The following KCNC4 variants were observed in gnomAD, a reference collection of about 807,000 sequenced individuals.
KCNC4 encodes voltage-gated potassium channel KCNC4.
Under a neutral mutation model 42.8 loss-of-function variants are expected in KCNC4, and 23 were observed. The observed-to-expected ratio is 0.54, with a 90% CI of 0.39 to 0.76. The LOEUF is 0.76. KCNC4 is among the 30% of genes least tolerant of loss of function. KCNC4 has a pLI of 0.00. For missense variants in KCNC4, 751 were observed against 898.2 expected, an observed-to-expected ratio of 0.84 and a Z score of 2.10; for synonymous variants, 422 against 393.5, an observed-to-expected ratio of 1.07 and a Z score of -0.86.
chr1:110,258,353 T>A (rs1245370044), intron 1 of KCNC4, among the ~76,000 whole-genome samples: 2 of 152,178 alleles, frequency 1.3e-5, no homozygotes, highest in Non-Finnish European at 2.9e-5. Context: ...TTCTCCTGCC[T>A]CCGCCTCCTG....
intron 1 of KCNC4, among the ~76,000 whole-genome samples, chr1:110,256,227 A>G (rs935691703): frequency 5.9e-5 from 9 of 152,218 alleles, no homozygotes; most frequent in Non-Finnish European, 8.8e-5. Context: ...ATGTTAGACA[A>G]GCGAGATGAA....
At chr1:110,232,589 C>T in intron 3 of KCNC4, 1 of 1,436,582 alleles carries the variant, frequency 7.0e-7, no homozygotes, top group Non-Finnish European at 9.1e-7. Flanking sequence ...CTAGTGGTTA[C>T]CTGAACAGGT....
In KCNC4 at chr1:110,229,320, G is replaced by A. The variant is rs141313956; in HGVS notation, c.1819+3142G>A. ...ATGTTTTCTATCCCTGGCTTGGGGC[G>A]CAGGTAGGGGTCCCTAGCGTTGTAG... On this transcript the variant is annotated intron_variant, in intron 3 of 3. Coordinates refer to ENST00000438661, the MANE Select transcript of KCNC4 (RefSeq NM_001039574.3). Among the ~76,000 whole-genome samples, 667 of 152,286 alleles carry A rather than the reference G, an allele frequency of 4.4e-3. 2 individuals carry two copies. Among genetic ancestry groups the A allele is most frequent in the Non-Finnish European group, 5.5e-3 (374 of 68,004 alleles).
rs778349949 is a variant in KCNC4 at position 110,223,533 on chromosome 1, C to T, written c.1248C>T (p.Asp416=). The change falls in exon 2 of 4, where the codon GAC becomes GAT. Residue 416 remains aspartate (D), a synonymous_variant. Coordinates refer to ENST00000438661, the MANE Select transcript of KCNC4 (RefSeq NM_001039574.3). The surrounding 1 kb of genome is among the most constrained non-coding windows in gnomAD (Gnocchi z 7.5). ...GGCCCTCCGACCCTCGGGGTAATGA[C>T]CACACCGACTTCAAGAACATCCCCA... ...GARPSDPRGN[D]HTDFKNIPIG... is the part of the protein sequence containing the mutation. The T allele has an allele frequency of 6.2e-7, 1 of 1,613,936 alleles. No individual in the cohort carries two copies. Among genetic ancestry groups the T allele is most frequent in the African/African-American group, 1.3e-5 (1 of 75,050 alleles).
exon 4 of KCNC4, chr1:110,245,359 T>A (rs1659123116): frequency 6.6e-6 from 1 of 152,216 alleles, no homozygotes; most frequent in Non-Finnish European, 1.5e-5. Flanking sequence ...CCTAGGTCCA[T>A]TCCTCAAGTT....
chr1:110,234,234 C>T (rs1658847024), downstream of KCNC4: 2 of 152,358 alleles, frequency 1.3e-5, no homozygotes, highest in East Asian at 3.9e-4. Flanking sequence ...TGCCCAAAGC[C>T]ACACAAAGAG....
At chr1:110,253,999 C>T (rs1032719753), downstream of KCNC4, among the ~76,000 whole-genome samples, 3 of 151,918 alleles carry the variant, frequency 2.0e-5, no homozygotes, top group South Asian at 4.2e-4. Context: ...CTCCAGGTAC[C>T]CTCAGGATCC....
intron 1 of KCNC4, among the ~76,000 whole-genome samples, chr1:110,273,184 C>T (rs544814442): frequency 6.6e-6 from 1 of 152,290 alleles, no homozygotes; most frequent in East Asian, 1.9e-4. Context: ...CTTTCATTGA[C>T]CTGGTGTGGT....
exon 4 of KCNC4, chr1:110,239,235 C>G (rs1365335035): frequency 6.6e-6 from 1 of 152,470 alleles, no homozygotes; most frequent in Non-Finnish European, 1.5e-5. Context: ...CTGCTCTCAG[C>G]CCCTGAGACC....
chr1:110,267,531 G>T (rs563093638), intron 1 of KCNC4, among the ~76,000 whole-genome samples: 9 of 152,170 alleles, frequency 5.9e-5, no homozygotes, highest in Admixed American at 3.9e-4. Context: ...TTACAATCCG[G>T]CTCCTGCTTC....
Position 110,226,083 on chromosome 1 carries a change from G to T in KCNC4, c.1724G>T (p.Arg575Leu), listed in dbSNP as rs761187683. 3 of 1,614,080 alleles carry T rather than the reference G, an allele frequency of 1.9e-6. No homozygotes were observed. Among genetic ancestry groups the T allele is most frequent in the Non-Finnish European group, 2.5e-6 (3 of 1,180,004 alleles). The part of the protein sequence containing the change: ...SPTPEERRAL[R>L]RSTTRDRNKK... ...ACCCCCGAGGAGCGCCGGGCCCTGCGACGCTCCACCACTCGAGACAGAAAC... is the reference window on the plus strand; with the variant it reads ...ACCCCCGAGGAGCGCCGGGCCCTGCTACGCTCCACCACTCGAGACAGAAAC... The change falls in exon 3 of 4, where the codon CGA becomes CTA. Residue 575 changes from arginine (R) to leucine (L), a missense_variant. Arg to Leu is a moderately radical substitution (Grantham distance 102). Around this residue, in one of 4 missense-constraint regions of KCNC4, gnomAD observed 202 missense variants for 181.5 expected, o/e 1.11. Coordinates refer to ENST00000438661, the MANE Select transcript of KCNC4 (RefSeq NM_001039574.3).
intron 3 of KCNC4, 165 bp from the exon 4 acceptor site, chr1:110,232,746 C>T: frequency 6.5e-7 from 1 of 1,531,438 alleles, no homozygotes; most frequent in Non-Finnish European, 8.7e-7. Context: ...TCCTGGTCTA[C>T]TCCTTAGCCC....
Position 110,223,206 on chromosome 1 carries a change from G to T in KCNC4, c.921G>T (p.Leu307=), listed in dbSNP as rs754348166. Residue 307 remains leucine (L), a synonymous_variant, in exon 2 of 4, where the codon CTG becomes CTT. Transcript: ENST00000438661. This position sits in a 1 kb window ranked among gnomAD's most constrained non-coding sequence, Gnocchi z 7.5. ...LVRIVCCPDT[L]DFVKNLLNII... is the part of the protein sequence containing the mutation. ...GCATCGTGTGCTGCCCCGACACGCT[G>T]GACTTCGTCAAGAACCTGCTCAACA... The T allele has an allele frequency of 3.1e-6, 5 of 1,614,094 alleles. No individual in the cohort carries two copies. Among genetic ancestry groups the T allele is most frequent in the Non-Finnish European group, 4.2e-6 (5 of 1,180,052 alleles).
chr1:110,254,533 G>A (rs533721193), intron 1 of KCNC4, among the ~76,000 whole-genome samples: 15 of 152,338 alleles, frequency 9.8e-5, no homozygotes, highest in Non-Finnish European at 2.1e-4. Flanking sequence ...GGGGCTGAGT[G>A]TGTGACACCT....
At chr1:110,212,501 C>A (rs1237963685) in intron 1 of KCNC4, among the ~76,000 whole-genome samples, 2 of 152,140 alleles carry the variant, frequency 1.3e-5, no homozygotes, top group African/African-American at 2.4e-5. Flanking sequence ...GCACAGGCTG[C>A]CCTATCTTCA....
At chr1:110,214,121 T>A (rs1302896821) in intron 1 of KCNC4, among the ~76,000 whole-genome samples, 2 of 152,234 alleles carry the variant, frequency 1.3e-5, no homozygotes, top group Non-Finnish European at 2.9e-5. Flanking sequence ...CCTGGAAGTC[T>A]TCCCAGGAAC....
At chr1:110,265,985 T>C (rs919424857) in intron 1 of KCNC4, among the ~76,000 whole-genome samples, 1 of 152,208 alleles carries the variant, frequency 6.6e-6, no homozygotes, top group African/African-American at 2.4e-5. Context: ...AAGAAATACA[T>C]GTAGCCTTGT....
chr1:110,212,878 C>T (rs542451804), intron 1 of KCNC4, among the ~76,000 whole-genome samples: 2 of 152,252 alleles, frequency 1.3e-5, no homozygotes, highest in South Asian at 2.1e-4. Flanking sequence ...ACACGAAGGG[C>T]CTAGCGTTCT....
downstream of KCNC4, among the ~76,000 whole-genome samples, chr1:110,252,312 C>A (rs1659262179): frequency 6.6e-6 from 1 of 152,132 alleles, no homozygotes; most frequent in Admixed American, 6.5e-5. Context: ...GGTTCATAAC[C>A]CATCCTTGGC....
Sources: gnomAD v4.1 joint callset for allele counts (sites outside exome capture counted in the v4.1 genomes callset) on GRCh38, gnomAD v4.1.1 for gene constraint, gnomAD v4.1.1 regional missense constraint, Gnocchi (gnomAD v3.1) non-coding constraint, MANE v1.5 for transcripts, NCBI Gene and HGNC (gene_info 2026-07-23, HGNC 2026-07-21) for gene names.